TESMIN: variants seen among roughly 807,000 people sequenced by gnomAD.
TESMIN encodes testis expressed metallothionein like protein.
In TESMIN, 34 loss-of-function variants were observed where a neutral mutation model predicts 47.4. That is an observed-to-expected ratio of 0.72 (90% CI 0.55 to 0.96). The LOEUF (loss-of-function observed/expected upper bound fraction) is 0.96, where lower values mean the gene tolerates loss of function less well. Ranked by LOEUF, TESMIN falls within the 40% of genes least tolerant of loss-of-function variation. TESMIN has a pLI of 0.00. For missense variants in TESMIN, 610 were observed against 637.2 expected (o/e 0.96, Z 0.46); for synonymous variants, 278 against 258.9 (o/e 1.07, Z -0.71).
At chr11:68,742,528 C>T (rs917468268) in intron 4 of TESMIN, 134 bp from the exon 5 acceptor site, 20 of 541,684 alleles carry the variant, frequency 3.7e-5, no homozygotes, top group South Asian at 8.7e-5. Flanking sequence ...ATGCTAGTTA[C>T]GCATTTTATT....
intron 6 of TESMIN, chr11:68,738,230 T>G: frequency 1.0e-6 from 1 of 991,604 alleles, no homozygotes; most frequent in Non-Finnish European, 1.2e-6. Flanking sequence ...AGACAGATCA[T>G]GCATTAGCAC....
intron 6 of TESMIN, chr11:68,737,643 C>T (rs1594298294): frequency 2.9e-5 from 29 of 985,562 alleles, no homozygotes; most frequent in Non-Finnish European, 3.1e-5. Context: ...GCAGGCAGGC[C>T]GGGCACGCCT....
At chr11:68,742,185 C>T in intron 5 of TESMIN, 133 bp downstream of exon 5, 2 of 621,538 alleles carry the variant, frequency 3.2e-6, no homozygotes, top group South Asian at 4.1e-5. Context: ...GGACTGAACA[C>T]TTGGTAAGTA....
intron 6 of TESMIN, among the ~76,000 whole-genome samples, chr11:68,730,105 C>T (rs1946309838): frequency 6.6e-6 from 1 of 152,210 alleles, no homozygotes; most frequent in African/African-American, 2.4e-5. Context: ...TGATTGTTAG[C>T]ATTTCCTAGA....
downstream of TESMIN, among the ~76,000 whole-genome samples, chr11:68,706,406 A>T (rs2510365): frequency 0.62 from 94,979 of 152,138 alleles, 30,507 homozygotes; most frequent in East Asian, 0.78. Context: ...TCCTGTGCAA[A>T]GTGGGGGGCC....
rs752642431 is a variant in TESMIN, at chr11:68,745,125, GAACA to G, written c.631-18_631-15del. ...TTGGCATATCACCTAAAATGAAAAAGAACAATCAGGTTTCATTTTTGAAACATAA... is the reference window on the plus strand; with the variant it reads ...TTGGCATATCACCTAAAATGAAAAAGATCAGGTTTCATTTTTGAAACATAA... On this transcript the variant is annotated splice_polypyrimidine_tract_variant and intron_variant, in intron 3 of 9. Coordinates refer to ENST00000255087, the MANE Select transcript of TESMIN (RefSeq NM_004923.3). 6.4e-7 allele frequency: 1 copy of G among 1,570,826 alleles called. No homozygotes were observed. Among genetic ancestry groups the G allele is most frequent in the Non-Finnish European group, 8.6e-7 (1 of 1,168,224 alleles).
rs1352872367 is a variant in TESMIN at position 68,745,197 on chromosome 11, T to C, written c.631-86A>G. 4 of 1,300,744 alleles carry C rather than the reference T, an allele frequency of 3.1e-6. No individual in the cohort carries two copies. In the Admixed American group the frequency reaches 8.0e-5, roughly 26 times the overall value. 80.6% of individuals were successfully genotyped at this position (1,300,744 alleles called of 1,614,324 possible). ...CTAAATAAACTTAAATCTGAGAAAATAGCTTTAATCCAGAAGTTACATTTT... is the reference window on the plus strand; with the variant it reads ...CTAAATAAACTTAAATCTGAGAAAACAGCTTTAATCCAGAAGTTACATTTT... On this transcript the variant is annotated intron_variant, in intron 3 of 9. Coordinates refer to ENST00000255087, the MANE Select transcript of TESMIN (RefSeq NM_004923.3).
chr11:68,720,294 C>T lies in TESMIN; in HGVS notation c.918-4355G>A, dbSNP rs560323993. 4.1e-4 allele frequency among the ~76,000 whole-genome samples: 62 copies of T among 152,310 alleles called. No homozygotes were observed. In the South Asian group the frequency reaches 0.012, roughly 31 times the overall value. On this transcript the variant is annotated intron_variant, in intron 6 of 9. Transcript: ENST00000255087. The stretch of plus-strand genomic sequence containing the variant: ...TTAAAATCTGTTTTCACCAAACCTG[C>T]TCTCTCTCCCACACTCCAGACCCTA...
intron 9 of TESMIN, 56 bp from the exon 10 acceptor site, chr11:68,708,556 G>T: frequency 7.1e-7 from 1 of 1,403,672 alleles, no homozygotes; most frequent in Non-Finnish European, 9.6e-7. Flanking sequence ...TCTACCTACA[G>T]TACTATTTAT....
chr11:68,709,462 C>T (rs1946037029), intron 9 of TESMIN, among the ~76,000 whole-genome samples: 1 of 152,218 alleles, frequency 6.6e-6, no homozygotes, highest in South Asian at 2.1e-4. Flanking sequence ...CCGCTTGGAG[C>T]TGTGAAAGAG....
At chr11:68,722,017 C>T (rs939384486) in intron 6 of TESMIN, among the ~76,000 whole-genome samples, 1 of 151,416 alleles carries the variant, frequency 6.6e-6, no homozygotes, top group African/African-American at 2.5e-5. Context: ...CAGATACCTG[C>T]TACATCAGTG....
Position 68,723,678 on chromosome 11 carries a change from A to G in TESMIN, c.918-7739T>C, listed in dbSNP as rs116451146. ...ACAACCTCTCCTAGAACTGATCGAG[A>G]AAGTCTAGAAAAGGTCAAAGGCCAT... On this transcript the variant is annotated intron_variant, in intron 6 of 9. Coordinates refer to ENST00000255087, the MANE Select transcript of TESMIN (RefSeq NM_004923.3). Among the ~76,000 whole-genome samples the G allele has an allele frequency of 3.2e-3, 490 of 152,268 alleles. 3 individuals are homozygous for G. The highest frequency in any genetic ancestry group is 0.011 in the African/African-American group (469 of 41,578).
chr11:68,731,925 T>C (rs1321289846), intron 6 of TESMIN, among the ~76,000 whole-genome samples: 1 of 152,222 alleles, frequency 6.6e-6, no homozygotes, highest in African/African-American at 2.4e-5. Context: ...CAGAATGCCA[T>C]GCGTCAATTC....
chr11:68,713,235 T>A lies in TESMIN; in HGVS notation c.1158+35A>T, dbSNP rs201639702. The A allele has an allele frequency of 3.8e-6, 6 of 1,581,660 alleles. No individual in the cohort carries two copies. The Admixed American group carries it at 1.1e-4, about 28-fold the overall frequency. On this transcript the variant is annotated intron_variant, in intron 8 of 9. Coordinates refer to ENST00000255087, the MANE Select transcript of TESMIN (RefSeq NM_004923.3). The stretch of plus-strand genomic sequence containing the variant: ...AAGTTACTCAACATATTTACCTGTG[T>A]TTTTTGTTAGTGAGTTAGGGAGCTG...
At chr11:68,713,011 C>T (rs1946091259) in intron 8 of TESMIN, among the ~76,000 whole-genome samples, 1 of 152,198 alleles carries the variant, frequency 6.6e-6, no homozygotes, top group South Asian at 2.1e-4. Context: ...AGAGGGCACC[C>T]TCACTGGGTA....
At position 68,707,621 on chromosome 11, in the gene TESMIN, A is replaced by C. The variant is rs1231111973; in HGVS notation, c.*687T>G. Reference sequence around the variant, plus strand: ...AATTGGATAATAGAGCTTTTCCACAATTCAAGTAGAAACACAGAAGAAACT... The same window carrying C: ...AATTGGATAATAGAGCTTTTCCACACTTCAAGTAGAAACACAGAAGAAACT... On this transcript the variant is annotated 3_prime_UTR_variant, in exon 10 of 10. Coordinates refer to ENST00000255087, the MANE Select transcript of TESMIN (RefSeq NM_004923.3). 1 of 246,776 alleles carries C rather than the reference A, an allele frequency of 4.1e-6. No individual in the cohort carries two copies. The highest frequency in any genetic ancestry group is 8.6e-6 in the Non-Finnish European group (1 of 116,198). The allele number at this position is 246,776 out of a possible 1,614,324, so 15.3% of individuals were successfully genotyped here. A position where few individuals can be genotyped will look rare whatever the true frequency, so the allele number is the denominator to read the frequency against.
At position 68,750,622 on chromosome 11, in the gene TESMIN, G is replaced by C. The variant is rs755216003; in HGVS notation, c.39C>G (p.Pro13=). ...EGPLPGGLPS[P]EDAMVTELLS... is the part of the protein sequence containing the mutation. ...AGAGCTCCGTCACCATCGCATCCTC[G>C]GGGCTGGGCAGCCCGCCCGGCAGAG... Residue 13 remains proline, a synonymous_variant, in exon 2 of 10, where the codon CCC becomes CCG. Coordinates refer to ENST00000255087, the MANE Select transcript of TESMIN (RefSeq NM_004923.3). The C allele has an allele frequency of 4.2e-5, 67 of 1,583,288 alleles. No homozygotes were observed. The highest frequency in any genetic ancestry group is 7.0e-5 in the East Asian group (3 of 42,726).
downstream of TESMIN, among the ~76,000 whole-genome samples, chr11:68,706,467 C>T (rs372297006): frequency 3.0e-3 from 463 of 152,326 alleles, 4 homozygotes; most frequent in African/African-American, 0.011. Flanking sequence ...CTCTGGGCTC[C>T]GCGGGTGGGC....
chr11:68,744,901 G>T lies in TESMIN; in HGVS notation c.751+90C>A, dbSNP rs145715040. ...GCCAAATTTCCTATTTAATATCCTG[G>T]TTGCCATTTCACTTTATATACAAAG... is the stretch of plus-strand genomic sequence containing the variant. On this transcript the variant is annotated intron_variant, in intron 4 of 9. Transcript: ENST00000255087. The T allele has an allele frequency of 1.5e-4, 161 of 1,091,300 alleles. No homozygotes were observed. In the East Asian group the frequency reaches 2.8e-3, roughly 19 times the overall value. The allele number at this position is 1,091,300 out of a possible 1,614,324, so 67.6% of individuals were successfully genotyped here.
Sources: allele counts gnomAD v4.1 joint callset (sites outside exome capture counted in the v4.1 genomes callset), GRCh38; gene constraint gnomAD v4.1.1; transcripts MANE v1.5; gene names NCBI Gene and HGNC (gene_info 2026-07-23, HGNC 2026-07-21).